Variants in KCNIP4 observed in about 807,000 individuals in gnomAD.
KCNIP4 encodes Kv channel-interacting protein 4.
KCNIP4 carries 12 observed loss-of-function variants against 34.0 expected under a neutral mutation model. The observed-to-expected ratio is 0.35, with a 90% CI of 0.23 to 0.57. The LOEUF is 0.57. KCNIP4 is among the 20% of genes least tolerant of loss of function. The probability of loss-of-function intolerance (pLI) is 0.83; values close to 1 mark genes in which losing one functional copy is unlikely to be tolerated. For synonymous variants in KCNIP4, 124 were observed against 102.2 expected (o/e 1.21, Z -1.29); for missense variants, 238 against 311.7 (o/e 0.76, Z 1.78).
chr4:21,552,647 A>C (rs2109018126), intron 1 of KCNIP4, among the ~76,000 whole-genome samples: 1 of 152,278 alleles, frequency 6.6e-6, no homozygotes, highest in South Asian at 2.1e-4. Flanking sequence ...AAAGCGGGAT[A>C]GAGGTTGAGG....
At position 21,519,872 on chromosome 4, in the gene KCNIP4, T is replaced by G. The variant is rs879678462; in HGVS notation, c.61+428699A>C. On this transcript the variant is annotated intron_variant, in intron 1 of 8. Coordinates refer to ENST00000382152, the MANE Select transcript of KCNIP4 (RefSeq NM_025221.6). ...ATATTTATATATTTATTTATATATA[T>G]AAATTATATATAATTTAATTATATA... Among the ~76,000 whole-genome samples, 544 of 145,106 alleles carry G rather than the reference T, an allele frequency of 3.7e-3. 7 individuals carry two copies. The highest frequency in any genetic ancestry group is 3.9e-3 in the Non-Finnish European group (256 of 65,908).
At chr4:21,365,578 C>T (rs902563685) in intron 1 of KCNIP4, among the ~76,000 whole-genome samples, 1 of 150,724 alleles carries the variant, frequency 6.6e-6, no homozygotes, top group Non-Finnish European at 1.5e-5. Context: ...CTTTCCTGTA[C>T]CTAAAACAGT....
At chr4:21,154,858 A>G (rs1332431934) in intron 1 of KCNIP4, among the ~76,000 whole-genome samples, 1 of 152,184 alleles carries the variant, frequency 6.6e-6, no homozygotes, top group African/African-American at 2.4e-5. Flanking sequence ...GAGCTCCAAC[A>G]GCTGTGTTTG....
chr4:20,940,303 T>C (rs1040850119), intron 1 of KCNIP4, among the ~76,000 whole-genome samples: 1 of 152,228 alleles, frequency 6.6e-6, no homozygotes, highest in African/African-American at 2.4e-5. Context: ...AACTATTTTG[T>C]ATTTATTTGA....
At chr4:21,584,427 A>G (rs1741463557) in intron 1 of KCNIP4, among the ~76,000 whole-genome samples, 1 of 152,130 alleles carries the variant, frequency 6.6e-6, no homozygotes, top group Admixed American at 6.6e-5. Flanking sequence ...ACCATAACAG[A>G]ATCATTCTTC....
intron 1 of KCNIP4, among the ~76,000 whole-genome samples, chr4:21,570,802 A>T (rs560266515): frequency 6.6e-6 from 1 of 152,296 alleles, no homozygotes; most frequent in East Asian, 1.9e-4. Context: ...TACTCAATAT[A>T]TAGCAGAAAT....
chr4:21,337,841 A>C (rs1427421946), intron 1 of KCNIP4, among the ~76,000 whole-genome samples: 1 of 152,220 alleles, frequency 6.6e-6, no homozygotes. Flanking sequence ...CAAGTTATTT[A>C]AGATCAGTTT....
At chr4:21,772,195 C>T (rs1718842943) in intron 1 of KCNIP4, among the ~76,000 whole-genome samples, 1 of 152,036 alleles carries the variant, frequency 6.6e-6, no homozygotes, top group Non-Finnish European at 1.5e-5. Flanking sequence ...TGGTTTTTGT[C>T]TTTGATTCTG....
chr4:20,863,514 G>C (rs973003845), intron 2 of KCNIP4, among the ~76,000 whole-genome samples: 1 of 152,158 alleles, frequency 6.6e-6, no homozygotes, highest in Non-Finnish European at 1.5e-5. Flanking sequence ...CAATCTTGTG[G>C]CTAATTTGTT....
chr4:21,246,136 C>T (rs1760185311), intron 1 of KCNIP4, among the ~76,000 whole-genome samples: 1 of 152,100 alleles, frequency 6.6e-6, no homozygotes, highest in Non-Finnish European at 1.5e-5. Flanking sequence ...ACAGATGGGT[C>T]ACAGTCACAT....
At chr4:21,252,188 C>G (rs1159738351) in intron 1 of KCNIP4, among the ~76,000 whole-genome samples, 1 of 144,276 alleles carries the variant, frequency 6.9e-6, no homozygotes, top group East Asian at 2.1e-4. Flanking sequence ...AGTGCAGTGG[C>G]GCAATCTCGG....
At chr4:20,864,105 T>C (rs923614267) in intron 2 of KCNIP4, among the ~76,000 whole-genome samples, 1 of 146,274 alleles carries the variant, frequency 6.8e-6, no homozygotes, top group African/African-American at 2.4e-5. Flanking sequence ...TATACGTATG[T>C]ATGTATACAT....
intron 1 of KCNIP4, among the ~76,000 whole-genome samples, chr4:21,365,431 T>C (rs866083555): frequency 3.4e-4 from 51 of 148,228 alleles, no homozygotes; most frequent in African/African-American, 1.2e-3. Context: ...TGAGCCAAGA[T>C]CACACCACTG....
chr4:21,266,687 C>G (rs772481226), intron 1 of KCNIP4, among the ~76,000 whole-genome samples: 1 of 152,170 alleles, frequency 6.6e-6, no homozygotes, highest in Non-Finnish European at 1.5e-5. Flanking sequence ...ACAGGTAGAT[C>G]TTGTCTTAAT....
intron 1 of KCNIP4, among the ~76,000 whole-genome samples, chr4:20,975,901 C>G (rs957902618): frequency 6.6e-6 from 1 of 152,120 alleles, no homozygotes; most frequent in African/African-American, 2.4e-5. Flanking sequence ...GTATGGGATT[C>G]AAAGAGCATC....
chr4:21,356,283 C>G (rs1017452042), intron 1 of KCNIP4, among the ~76,000 whole-genome samples: 7 of 152,138 alleles, frequency 4.6e-5, no homozygotes, highest in Non-Finnish European at 8.8e-5. Flanking sequence ...CCCTCTCTCA[C>G]CATTCCTATT....
In KCNIP4 at chr4:21,370,802, TATA is replaced by T. The variant is rs1226043332; in HGVS notation, c.62-488096_62-488094del. 7.2e-4 allele frequency among the ~76,000 whole-genome samples: 3 copies of T among 4,150 alleles called. 1 individual carries two copies. Among genetic ancestry groups the T allele is most frequent in the African/African-American group, 4.4e-3 (3 of 682 alleles). The allele number at this position is 4,150 out of a possible 152,430, so 2.7% of individuals were successfully genotyped here. On this transcript the variant is annotated intron_variant, in intron 1 of 8. Coordinates refer to ENST00000382152, the MANE Select transcript of KCNIP4 (RefSeq NM_025221.6). ...ACAGACAGGAGGTCATGGATTGAAA[TATA>T]TATATATATATATATATATATATAT... is the stretch of plus-strand genomic sequence containing the variant.
intron 1 of KCNIP4, among the ~76,000 whole-genome samples, chr4:21,488,929 A>G (rs1732139329): frequency 6.6e-6 from 1 of 152,166 alleles, no homozygotes; most frequent in Non-Finnish European, 1.5e-5. Context: ...CAGGGATTTT[A>G]CAGGGTCCTT....
chr4:21,708,286 C>A (rs1389386176), intron 1 of KCNIP4, among the ~76,000 whole-genome samples: 1 of 152,044 alleles, frequency 6.6e-6, no homozygotes, highest in East Asian at 1.9e-4. Flanking sequence ...ATTGTATTTA[C>A]ACTCTTACCC....
Sources: allele counts gnomAD v4.1 joint callset (sites outside exome capture counted in the v4.1 genomes callset), GRCh38; gene constraint gnomAD v4.1.1; transcripts MANE v1.5; gene names NCBI Gene and HGNC (gene_info 2026-07-23, HGNC 2026-07-21).